The following ESRRG variants were observed in gnomAD, a reference collection of about 807,000 sequenced individuals.
ESRRG encodes the protein estrogen related receptor gamma, also known as estrogen-related receptor gamma.
Under a neutral mutation model 44.0 loss-of-function variants are expected in ESRRG, and 13 were observed. The observed-to-expected ratio is 0.30, with a 90% CI of 0.19 to 0.47. The LOEUF is 0.47. ESRRG is among the 20% of genes least tolerant of loss of function. ESRRG has a pLI of 1.00. For missense variants in ESRRG, 395 were observed against 580.6 expected, an observed-to-expected ratio of 0.68 and a Z score of 3.29; for synonymous variants, 215 against 214.6, an observed-to-expected ratio of 1.00 and a Z score of -0.02.
At chr1:216,583,244 A>T (rs2063143147) in intron 3 of ESRRG, among the ~76,000 whole-genome samples, 1 of 152,234 alleles carries the variant, frequency 6.6e-6, no homozygotes, top group Non-Finnish European at 1.5e-5. Flanking sequence ...TATTAGTATC[A>T]TTGCAGCTAG....
chr1:216,714,464 A>T, intron 1 of ESRRG: 1 of 335,476 alleles, frequency 3.0e-6, no homozygotes, highest in Non-Finnish European at 4.2e-6. Flanking sequence ...GGCAGCAGAG[A>T]AGTTCTATAA....
chr1:216,952,925 A>G (rs1320501060), intron 1 of ESRRG, among the ~76,000 whole-genome samples: 3 of 152,050 alleles, frequency 2.0e-5, no homozygotes, highest in African/African-American at 7.2e-5. Flanking sequence ...CACGAATTCA[A>G]CTGCTTCTTT....
chr1:216,623,728 G>A (rs1647351015), intron 3 of ESRRG, among the ~76,000 whole-genome samples: 2 of 152,232 alleles, frequency 1.3e-5, no homozygotes, highest in South Asian at 4.2e-4. Context: ...TCTAAATGGT[G>A]TTAAAGTTAA....
intron 2 of ESRRG, among the ~76,000 whole-genome samples, chr1:216,792,814 G>T (rs901478364): frequency 6.6e-6 from 1 of 151,876 alleles, no homozygotes; most frequent in South Asian, 2.1e-4. Flanking sequence ...AGTTGCTTTC[G>T]ATGCCATACC....
upstream of ESRRG, among the ~76,000 whole-genome samples, chr1:216,725,240 G>C (rs1378039474): frequency 6.6e-6 from 1 of 152,030 alleles, no homozygotes; most frequent in African/African-American, 2.4e-5. Flanking sequence ...AAAGTTTCTA[G>C]ATCAGAACTC....
intron 3 of ESRRG, among the ~76,000 whole-genome samples, chr1:216,634,289 A>G (rs2064841255): frequency 6.6e-6 from 1 of 152,248 alleles, no homozygotes; most frequent in Non-Finnish European, 1.5e-5. Flanking sequence ...TGAGAATTAA[A>G]GATCCCTTTA....
At chr1:216,580,407 G>A (rs2062535885) in intron 3 of ESRRG, among the ~76,000 whole-genome samples, 1 of 152,118 alleles carries the variant, frequency 6.6e-6, no homozygotes, top group Non-Finnish European at 1.5e-5. Flanking sequence ...GAAAAAAAAG[G>A]AGTTGGCTGA....
intron 1 of ESRRG, among the ~76,000 whole-genome samples, chr1:216,709,741 T>C (rs1029875786): frequency 2.0e-5 from 3 of 152,100 alleles, no homozygotes; most frequent in African/African-American, 7.2e-5. Flanking sequence ...ATGAAATTAC[T>C]GATTGTACTT....
At position 217,015,875 on chromosome 1, in the gene ESRRG, G is replaced by A. The variant is rs1015655177; in HGVS notation, c.-106+73632C>T. ...CTCCTGAGTATCTGGGATTACAGGC[G>A]CATGCCACCACGCCCGGCTATTTTT... On this transcript the variant is annotated intron_variant, in intron 1 of 7. Transcript: ENST00000359162. 7.9e-5 allele frequency among the ~76,000 whole-genome samples: 12 copies of A among 152,062 alleles called. No homozygotes were observed. The East Asian group carries it at 1.4e-3, about 17-fold the overall frequency.
chr1:216,656,511 T>C (rs7543361), intron 2 of ESRRG, among the ~76,000 whole-genome samples: 26,549 of 152,176 alleles, frequency 0.17, 2,369 homozygotes, highest in Middle Eastern at 0.2. Flanking sequence ...TACTGCTTAA[T>C]AGAATCTTGC....
chr1:216,697,488 T>C (rs1370955044), intron 1 of ESRRG, among the ~76,000 whole-genome samples: 8 of 152,234 alleles, frequency 5.3e-5, no homozygotes, highest in Non-Finnish European at 1.2e-4. Context: ...TAATTCTCAG[T>C]ACCTGAGATT....
chr1:216,759,437 A>C (rs944680934), intron 2 of ESRRG, among the ~76,000 whole-genome samples: 1 of 152,036 alleles, frequency 6.6e-6, no homozygotes, highest in Admixed American at 6.6e-5. Context: ...TCCTCCACCC[A>C]CCACATGGTT....
chr1:216,764,495 C>T (rs562827091), intron 2 of ESRRG, among the ~76,000 whole-genome samples: 1 of 152,154 alleles, frequency 6.6e-6, no homozygotes, highest in East Asian at 2.0e-4. Flanking sequence ...TCTCAAACTC[C>T]TGACCTCAAG....
At chr1:216,898,573 A>G (rs972752535) in intron 2 of ESRRG, among the ~76,000 whole-genome samples, 1 of 152,174 alleles carries the variant, frequency 6.6e-6, no homozygotes, top group African/African-American at 2.4e-5. Context: ...AGCCGAGATC[A>G]TGGCACTGCA....
At chr1:217,076,684 G>GGAGA (rs937576125) in intron 1 of ESRRG, among the ~76,000 whole-genome samples, 1 of 151,916 alleles carries the variant, frequency 6.6e-6, no homozygotes, top group Admixed American at 6.6e-5. Flanking sequence ...CTGGAGACAG[G>GGAGA]GAGAGAGAGA....
At chr1:217,075,541 A>G (rs2091166268) in intron 1 of ESRRG, among the ~76,000 whole-genome samples, 1 of 151,900 alleles carries the variant, frequency 6.6e-6, no homozygotes, top group Non-Finnish European at 1.5e-5. Context: ...TTTTACCCCA[A>G]ACTCCACTTA....
chr1:216,913,713 G>C (rs544277544), intron 2 of ESRRG, among the ~76,000 whole-genome samples: 1 of 152,344 alleles, frequency 6.6e-6, no homozygotes, highest in East Asian at 1.9e-4. Flanking sequence ...TCAGAAGGTG[G>C]TTATGAATAT....
intron 2 of ESRRG, among the ~76,000 whole-genome samples, chr1:216,841,144 GC>G (rs1053507206): frequency 5.9e-5 from 9 of 152,044 alleles, no homozygotes; most frequent in African/African-American, 2.2e-4. Context: ...CAAATTGGTG[GC>G]CCCCTTGTTA....
At chr1:216,562,413 T>C (rs74141606) in intron 5 of ESRRG, among the ~76,000 whole-genome samples, 4,960 of 152,208 alleles carry the variant, frequency 0.033, 262 homozygotes, top group African/African-American at 0.11. Context: ...TCTCTCTACC[T>C]CAAATCTCCT....
Sources: gnomAD v4.1 joint callset for allele counts (sites outside exome capture counted in the v4.1 genomes callset) on GRCh38, gnomAD v4.1.1 for gene constraint, MANE v1.5 for transcripts, NCBI Gene and HGNC (gene_info 2026-07-23, HGNC 2026-07-21) for gene names.